NBPF26: variants seen among roughly 807,000 people sequenced by gnomAD.
NBPF26 encodes the protein NBPF member 26.
In NBPF26, 79 loss-of-function variants were observed where a neutral mutation model predicts 119.6. That is an observed-to-expected ratio of 0.66 (90% CI 0.55 to 0.80). NBPF26 has a LOEUF of 0.80. Among genes scored for constraint, NBPF26 ranks in the 30% least tolerant of loss-of-function variants. The pLI is 0.00. For missense variants in NBPF26, 800 were observed against 1,198.2 expected (o/e 0.67, Z 4.91); for synonymous variants, 299 against 457.7 (o/e 0.65, Z 4.43).
In NBPF26 at chr1:120,762,520, G is replaced by T. The variant is rs1651145442; in HGVS notation, c.74-1108G>T. 1.7e-5 allele frequency among the ~76,000 whole-genome samples: 2 copies of T among 115,050 alleles called. 1 individual carries two copies. The highest frequency in any genetic ancestry group is 3.4e-5 in the Non-Finnish European group (2 of 58,520). 75.5% of individuals were successfully genotyped at this position (115,050 alleles called of 152,430 possible). ...AGAGTGGTGTGGTTAGAGGAAACTT[G>T]GAGGGGGGAACTTCTCAGTTTTGCT... On this transcript the variant is annotated intron_variant, in intron 1 of 29. Transcript: ENST00000620612.
chr1:120,790,551 T>TCTTTCTTC (rs1651477585), intron 3 of NBPF26, among the ~76,000 whole-genome samples: 1 of 98,014 alleles, frequency 1.0e-5, no homozygotes, highest in Non-Finnish European at 1.9e-5. Flanking sequence ...TTTCTTTCTT[T>TCTTTCTTC]CTTTCTTTCT....
chr1:120,764,329 C>G lies in NBPF26; in HGVS notation c.155+620C>G, dbSNP rs1651166230. 5.8e-5 allele frequency among the ~76,000 whole-genome samples: 6 copies of G among 103,258 alleles called. No homozygotes were observed. The South Asian group carries it at 1.7e-3, about 29-fold the overall frequency. The allele number at this position is 103,258 out of a possible 152,430, so 67.7% of individuals were successfully genotyped here. A position where few individuals can be genotyped will look rare whatever the true frequency, so the allele number is the denominator to read the frequency against. ...AGATTAAGGCATACTCTTAGAGTCT[C>G]CCCTTAACATGTTACCTATTATCTT... On this transcript the variant is annotated intron_variant, in intron 2 of 29. Coordinates refer to ENST00000620612, the Ensembl canonical transcript of NBPF26.
chr1:120,832,468 T>G (rs1323744896), intron 22 of NBPF26, among the ~76,000 whole-genome samples: 1 of 81,940 alleles, frequency 1.2e-5, no homozygotes, highest in Non-Finnish European at 2.1e-5. Context: ...GGTTTGTAGA[T>G]TTCCTTTTTC....
chr1:120,805,427 T>C (rs2101489175), intron 4 of NBPF26, 129 bp from the exon 5 acceptor site: 2 of 1,315,876 alleles, frequency 1.5e-6, no homozygotes, highest in East Asian at 4.7e-5. Flanking sequence ...TAAAGTGCTG[T>C]GGGGAGTGAT....
chr1:120,817,276 G>T lies in NBPF26; in HGVS notation c.2371+449G>T, dbSNP rs1301482194. 2.7e-5 allele frequency among the ~76,000 whole-genome samples: 3 copies of T among 112,838 alleles called. 1 individual carries two copies. The highest frequency in any genetic ancestry group is 2.6e-4 in the South Asian group (1 of 3,854). 74.0% of individuals were successfully genotyped at this position (112,838 alleles called of 152,430 possible). On this transcript the variant is annotated intron_variant, in intron 14 of 29. Transcript: ENST00000620612. ...GATCTCCTTTAAGTCAGCTTGCTTA[G>T]CTGCACAGTCACCCTGAAATCAGGA...
At chr1:120,832,751 C>CTCTCACAGTGTCCTAT in intron 22 of NBPF26, 124 bp from the exon 27 acceptor site, 1 of 551,416 alleles carries the variant, frequency 1.8e-6, no homozygotes, top group Non-Finnish European at 3.1e-6. Flanking sequence ...TGAAATATAT[C>CTCTCACAGTGTCCTAT]TCTCACAGTG....
rs1420206308 is a variant in NBPF26, at chr1:120,806,875, G to T, written c.962-732G>T. Among the ~76,000 whole-genome samples, 6 of 123,648 alleles carry T rather than the reference G, an allele frequency of 4.9e-5. 1 individual carries two copies. The highest frequency in any genetic ancestry group is 2.0e-4 in the East Asian group (1 of 4,984). The allele number at this position is 123,648 out of a possible 152,430, so 81.1% of individuals were successfully genotyped here. ...ACCTACCTCTGTAAATTGCTGCAAT[G>T]AATTACATGAGGTATTTCCTGTCAA... On this transcript the variant is annotated intron_variant, in intron 5 of 29. Coordinates refer to ENST00000620612, the Ensembl canonical transcript of NBPF26.
chr1:120,833,171 C>T (rs1429596873), intron 23 of NBPF26, among the ~76,000 whole-genome samples, 188 bp downstream of exon 27: 4 of 118,538 alleles, frequency 3.4e-5, no homozygotes, highest in Non-Finnish European at 6.6e-5. Context: ...CATTTACTAA[C>T]GTACCACAGG....
intron 4 of NBPF26, 76 bp from the exon 5 acceptor site, chr1:120,805,480 A>T: frequency 1.5e-6 from 2 of 1,348,278 alleles, no homozygotes; most frequent in East Asian, 4.5e-5. Flanking sequence ...AGTTACTGAC[A>T]TCCCTCAGTC....
At chr1:120,801,272 T>G (rs1307494832) in intron 4 of NBPF26, among the ~76,000 whole-genome samples, 74,366 of 110,630 alleles carry the variant, frequency 0.67, 30,283 homozygotes, top group Non-Finnish European at 0.75. Context: ...TTAGTGGTTG[T>G]CAGAGACTGC....
intron 4 of NBPF26, among the ~76,000 whole-genome samples, chr1:120,801,024 T>TGTG: frequency 2.6e-5 from 1 of 38,866 alleles, no homozygotes; most frequent in Non-Finnish European, 4.6e-5. Context: ...TTTTGTTGCT[T>TGTG]GTGCTTTCAG....
chr1:120,728,660 G>T (rs1650841875), intron 1 of NBPF26, among the ~76,000 whole-genome samples: 1 of 115,826 alleles, frequency 8.6e-6, no homozygotes, highest in Admixed American at 8.2e-5. Context: ...ATCATTTTGG[G>T]GACTAGTCAT....
rs1270094686 is a variant in NBPF26, at chr1:120,765,877, G to A, written c.155+2168G>A. 1.6e-4 allele frequency among the ~76,000 whole-genome samples: 18 copies of A among 116,004 alleles called. 5 individuals are homozygous for A. Among genetic ancestry groups the A allele is most frequent in the African/African-American group, 7.1e-4 (16 of 22,506 alleles). The allele number at this position is 116,004 out of a possible 152,430, so 76.1% of individuals were successfully genotyped here. A position where few individuals can be genotyped will look rare whatever the true frequency, so the allele number is the denominator to read the frequency against. On this transcript the variant is annotated intron_variant, in intron 2 of 29. Coordinates refer to ENST00000620612, the Ensembl canonical transcript of NBPF26. The stretch of plus-strand genomic sequence containing the variant: ...CCATCATTCTCAGCAAACTAACACA[G>A]GAACAGAAAACCAAACACGGCATGT...
intron 1 of NBPF26, among the ~76,000 whole-genome samples, chr1:120,755,949 T>A (rs1293178539): frequency 9.2e-6 from 1 of 108,228 alleles, no homozygotes; most frequent in Non-Finnish European, 1.7e-5. Flanking sequence ...TTTTTTTTTT[T>A]TTTTTTCCTT....
rs1426066495 is a variant in NBPF26, at chr1:120,779,645, A to G, written c.156-5329A>G. Reference sequence around the variant, plus strand: ...ACACCTTTAGTTCAAGTGGTAGACTATTTTCCAAAATGTGTGCTGGGTAGC... The same window carrying G: ...ACACCTTTAGTTCAAGTGGTAGACTGTTTTCCAAAATGTGTGCTGGGTAGC... On this transcript the variant is annotated intron_variant, in intron 2 of 29. Coordinates refer to ENST00000620612, the Ensembl canonical transcript of NBPF26. Among the ~76,000 whole-genome samples the G allele has an allele frequency of 3.3e-4, 40 of 122,078 alleles. 6 individuals carry two copies. The highest frequency in any genetic ancestry group is 5.3e-4 in the Non-Finnish European group (32 of 59,912). 80.1% of individuals were successfully genotyped at this position (122,078 alleles called of 152,430 possible). A position where few individuals can be genotyped will look rare whatever the true frequency, so the allele number is the denominator to read the frequency against.
intron 1 of NBPF26, among the ~76,000 whole-genome samples, chr1:120,724,763 T>C (rs1193215501): frequency 1.7e-5 from 2 of 115,058 alleles, no homozygotes; most frequent in Non-Finnish European, 3.4e-5. Context: ...GGGCTTGGTT[T>C]GGATGGGGAC....
At chr1:120,778,487 T>C (rs1415059818) in intron 2 of NBPF26, among the ~76,000 whole-genome samples, 1 of 103,794 alleles carries the variant, frequency 9.6e-6, no homozygotes, top group East Asian at 2.3e-4. Flanking sequence ...GTATAGTTTT[T>C]TTAAAAATCA....
chr1:120,778,418 C>A (rs1436737221), intron 2 of NBPF26, among the ~76,000 whole-genome samples: 5 of 111,598 alleles, frequency 4.5e-5, no homozygotes, highest in Middle Eastern at 3.6e-3. Flanking sequence ...TAATGAGGAG[C>A]AGCTTCAGTG....
chr1:120,762,521 G>A (rs1323103833), intron 1 of NBPF26, among the ~76,000 whole-genome samples: 1 of 115,260 alleles, frequency 8.7e-6, no homozygotes, highest in Non-Finnish European at 1.7e-5. Context: ...AGGAAACTTG[G>A]AGGGGGGAAC....
Sources: allele counts gnomAD v4.1 joint callset (sites outside exome capture counted in the v4.1 genomes callset), GRCh38; gene constraint gnomAD v4.1.1; transcripts MANE v1.5; gene names NCBI Gene and HGNC (gene_info 2026-07-23, HGNC 2026-07-21).